The following PTS variants were observed in gnomAD, a reference collection of about 807,000 sequenced individuals.
The protein encoded by PTS is 6-pyruvoyltetrahydropterin synthase.
Under a neutral mutation model 20.6 loss-of-function variants are expected in PTS, and 23 were observed. That is an observed-to-expected ratio of 1.12 (90% confidence interval 0.80 to 1.58). The LOEUF (loss-of-function observed/expected upper bound fraction) is 1.58. PTS is among the 40% of genes most tolerant of loss of function. The pLI, the probability that PTS is intolerant of heterozygous loss-of-function variation, is 0.00. For synonymous variants in PTS, 65 were observed against 62.5 expected, an observed-to-expected ratio of 1.04 and a Z score of -0.19; for missense variants, 186 against 182.4, an observed-to-expected ratio of 1.02 and a Z score of -0.11.
chr11:112,231,017 TC>T (rs1431903873), intron 4 of PTS, among the ~76,000 whole-genome samples: 12 of 151,258 alleles, frequency 7.9e-5, no homozygotes, highest in Admixed American at 2.0e-4. Flanking sequence ...TTACTGTCTT[TC>T]TTTTTTTTTT....
intron 2 of PTS, among the ~76,000 whole-genome samples, chr11:112,229,917 G>T (rs755326447): frequency 2.6e-4 from 39 of 152,120 alleles, no homozygotes; most frequent in Non-Finnish European, 4.0e-4. Context: ...ATGCTCCCTA[G>T]TGCATTAACA....
At chr11:112,231,016 T>G (rs897820474) in intron 4 of PTS, among the ~76,000 whole-genome samples, 11 of 151,450 alleles carry the variant, frequency 7.3e-5, no homozygotes, top group African/African-American at 2.7e-4. Flanking sequence ...CTTACTGTCT[T>G]TCTTTTTTTT....
chr11:112,233,572 T>C lies in PTS; in HGVS notation c.*17T>C. 6.2e-7 allele frequency: 1 copy of C among 1,613,212 alleles called. No homozygotes were observed. Among genetic ancestry groups the C allele is most frequent in the Non-Finnish European group, 8.5e-7 (1 of 1,179,652 alleles). On this transcript the variant is annotated 3_prime_UTR_variant, in exon 6 of 6. Transcript: ENST00000280362. ...GGAGAATAGCTATTGGGGTTAGCAT[T>C]GCACAAAGCCCAGTTTCTTTCTGTG...
chr11:112,226,982 G>A (rs536833804), intron 1 of PTS, among the ~76,000 whole-genome samples: 1 of 149,652 alleles, frequency 6.7e-6, no homozygotes, highest in East Asian at 2.0e-4. Context: ...CATATCTAAT[G>A]TAATTACAAG....
intron 1 of PTS, 164 bp from the exon 2 acceptor site, chr11:112,228,430 A>C: frequency 1.6e-6 from 1 of 643,570 alleles, no homozygotes; most frequent in Non-Finnish European, 2.7e-6. Flanking sequence ...ACGTATACGT[A>C]AGTAATAAAA....
At chr11:112,233,403 T>TTTTTTG in intron 5 of PTS, 29 bp from the exon 6 acceptor site, 1 of 1,583,838 alleles carries the variant, frequency 6.3e-7, no homozygotes, top group Non-Finnish European at 8.6e-7. Flanking sequence ...ATTTTGAATT[T>TTTTTTG]TTTTTGTTTT....
rs765406631 is a variant in PTS at position 112,233,179 on chromosome 11, C to T, written c.260C>T (p.Pro87Leu). The part of the protein sequence containing the change: ...KKYMEEAIMQ[P>L]LDHKNLDMDV... ...TGTCTCTAGGAGGCGATTATGCAGC[C>T]CCTTGATCATAAGAATCTGGATATG... is the stretch of plus-strand genomic sequence containing the variant. Residue 87 changes from proline to leucine, a missense_variant, in exon 5 of 6, where the codon CCC becomes CTC. By Grantham distance (98) the Pro-to-Leu change is moderately conservative (BLOSUM62 -3). Transcript: ENST00000280362. 14 of 1,613,882 alleles carry T rather than the reference C, an allele frequency of 8.7e-6. No individual in the cohort carries two copies. Among genetic ancestry groups the T allele is most frequent in the Admixed American group, 3.3e-5 (2 of 60,002 alleles).
chr11:112,226,694 CTG>C (rs1193481878), intron 1 of PTS, among the ~76,000 whole-genome samples, 168 bp downstream of exon 1: 2 of 151,940 alleles, frequency 1.3e-5, no homozygotes, highest in Non-Finnish European at 2.9e-5. Flanking sequence ...CTCCAGCATC[CTG>C]ATGGGGGCTG....
intron 4 of PTS, among the ~76,000 whole-genome samples, chr11:112,232,822 A>C (rs1176329003): frequency 6.6e-6 from 1 of 152,226 alleles, no homozygotes. Context: ...TTATGGAAAA[A>C]TATTTGTGCT....
chr11:112,230,071 ATATT>A (rs995777690), intron 2 of PTS, 133 bp from the exon 3 acceptor site: 5 of 880,012 alleles, frequency 5.7e-6, no homozygotes, highest in African/African-American at 3.3e-5. Context: ...TTTGGGGTAA[ATATT>A]TAAGTATAGC....
rs3819331 is a variant in PTS, at chr11:112,228,687, T to C, written c.163+14T>C. The C allele has an allele frequency of 0.15, 242,917 of 1,600,344 alleles. 21,332 individuals are homozygous for C. The highest frequency in any genetic ancestry group is 0.32 in the South Asian group (29,112 of 90,654). ...ACAATTATAAAGGTGAGAGAAAAACTGATGACATTTCAGCCCTTCAATAAG... is the reference window on the plus strand; with the variant it reads ...ACAATTATAAAGGTGAGAGAAAAACCGATGACATTTCAGCCCTTCAATAAG... On this transcript the variant is annotated intron_variant, in intron 2 of 5. Transcript: ENST00000280362.
At chr11:112,228,053 C>T (rs747773449) in intron 1 of PTS, among the ~76,000 whole-genome samples, 3 of 152,178 alleles carry the variant, frequency 2.0e-5, no homozygotes, top group Non-Finnish European at 4.4e-5. Flanking sequence ...TTGGAATATT[C>T]CTCAACAGAT....
chr11:112,233,576 C>T lies in PTS; in HGVS notation c.*21C>T, dbSNP rs767940661. 1 of 1,612,914 alleles carries T rather than the reference C, an allele frequency of 6.2e-7. No individual in the cohort carries two copies. The highest frequency in any genetic ancestry group is 8.5e-7 in the Non-Finnish European group (1 of 1,179,522). On this transcript the variant is annotated 3_prime_UTR_variant, in exon 6 of 6. Transcript: ENST00000280362. Reference sequence around the variant, plus strand: ...AATAGCTATTGGGGTTAGCATTGCACAAAGCCCAGTTTCTTTCTGTGTTTG... The same window carrying T: ...AATAGCTATTGGGGTTAGCATTGCATAAAGCCCAGTTTCTTTCTGTGTTTG...
intron 1 of PTS, among the ~76,000 whole-genome samples, chr11:112,227,234 A>G (rs1365510455): frequency 6.6e-6 from 1 of 152,040 alleles, no homozygotes; most frequent in African/African-American, 2.4e-5. Flanking sequence ...TGAAATGAGG[A>G]TGACCATCGC....
At chr11:112,227,818 A>G in intron 1 of PTS, among the ~76,000 whole-genome samples, 1 of 152,116 alleles carries the variant, frequency 6.6e-6, no homozygotes, top group East Asian at 1.9e-4. Context: ...TGGGGATCAC[A>G]TTTCAACATG....
Position 112,233,656 on chromosome 11 carries a change from G to A in PTS, c.*101G>A, listed in dbSNP as rs1250430028. On this transcript the variant is annotated 3_prime_UTR_variant, in exon 6 of 6. Coordinates refer to ENST00000280362, the MANE Select transcript of PTS (RefSeq NM_000317.3). Reference sequence around the variant, plus strand: ...AGAGGTCAACACGTGATTGTTGTACGTACACATTGTGCTCTGGAGTGCCTA... The same window carrying A: ...AGAGGTCAACACGTGATTGTTGTACATACACATTGTGCTCTGGAGTGCCTA... 5.1e-6 allele frequency: 8 copies of A among 1,557,154 alleles called. 1 individual carries two copies. The highest frequency in any genetic ancestry group is 5.2e-6 in the Non-Finnish European group (6 of 1,145,558).
At chr11:112,229,804 C>T (rs1396133910) in intron 2 of PTS, among the ~76,000 whole-genome samples, 2 of 152,196 alleles carry the variant, frequency 1.3e-5, no homozygotes, top group East Asian at 1.9e-4. Context: ...AGTAGTATTG[C>T]TTGTTCAGAA....
In PTS at chr11:112,233,601, G is replaced by GA. The variant is rs1859974079; in HGVS notation, c.*51dup. On this transcript the variant is annotated 3_prime_UTR_variant, in exon 6 of 6. Transcript: ENST00000280362. Reference sequence around the variant, plus strand: ...CAAAGCCCAGTTTCTTTCTGTGTTTGAAAAAGATTTTGATCCCCTTGGAAT... The same window carrying GA: ...CAAAGCCCAGTTTCTTTCTGTGTTTGAAAAAAGATTTTGATCCCCTTGGAAT... 6.2e-7 allele frequency: 1 copy of GA among 1,610,710 alleles called. No homozygotes were observed. The highest frequency in any genetic ancestry group is 8.5e-7 in the Non-Finnish European group (1 of 1,178,750).
At position 112,228,413 on chromosome 11, in the gene PTS, GT is replaced by G. The variant is rs745313432; in HGVS notation, c.84-178del. ...TCTTCTAATTAGGGAATATGCCATG[GT>G]TTGTGACGTATACGTAAGTAATAAA... On this transcript the variant is annotated intron_variant, in intron 1 of 5. Transcript: ENST00000280362. 1.4e-4 allele frequency: 84 copies of G among 619,724 alleles called. No homozygotes were observed. In the South Asian group the frequency reaches 1.6e-3, roughly 12 times the overall value. 38.4% of individuals were successfully genotyped at this position (619,724 alleles called of 1,614,324 possible).
Sources: allele counts gnomAD v4.1 joint callset (sites outside exome capture counted in the v4.1 genomes callset), GRCh38; gene constraint gnomAD v4.1.1; transcripts MANE v1.5; gene names NCBI Gene and HGNC (gene_info 2026-07-23, HGNC 2026-07-21).